Variants in COX7B2 observed in about 807,000 individuals in gnomAD.
COX7B2 encodes the protein cytochrome c oxidase subunit 7B2, mitochondrial.
For synonymous variants in COX7B2, 37 were observed against 32.1 expected (o/e 1.15, Z -0.51); for missense variants, 109 against 95.9 (o/e 1.14, Z -0.57).
intron 2 of COX7B2, among the ~76,000 whole-genome samples, chr4:46,818,869 T>A (rs1390920845): frequency 6.6e-6 from 1 of 152,242 alleles, no homozygotes; most frequent in Non-Finnish European, 1.5e-5. Flanking sequence ...ACTTTAGATA[T>A]GCCAGTGTTG....
chr4:46,826,734 C>A (rs546988446), intron 2 of COX7B2, among the ~76,000 whole-genome samples: 2 of 152,072 alleles, frequency 1.3e-5, no homozygotes, highest in Admixed American at 6.6e-5. Flanking sequence ...GCTACAGGCT[C>A]TTAACCTTAG....
intron 2 of COX7B2, among the ~76,000 whole-genome samples, chr4:46,815,666 G>A (rs1719514714): frequency 6.6e-6 from 1 of 152,142 alleles, no homozygotes; most frequent in East Asian, 1.9e-4. Flanking sequence ...AAAAAAAAGA[G>A]TATCACTCTT....
chr4:46,892,325 T>G (rs1719475411), intron 1 of COX7B2, among the ~76,000 whole-genome samples: 1 of 152,150 alleles, frequency 6.6e-6, no homozygotes, highest in Non-Finnish European at 1.5e-5. Flanking sequence ...GTCACATGAG[T>G]TATTATATGT....
intron 2 of COX7B2, among the ~76,000 whole-genome samples, chr4:46,754,115 G>C (rs1037250772): frequency 2.6e-5 from 4 of 152,072 alleles, no homozygotes; most frequent in Non-Finnish European, 5.9e-5. Flanking sequence ...ACTATTGGTG[G>C]GACTGTAAAC....
intron 2 of COX7B2, among the ~76,000 whole-genome samples, chr4:46,834,696 TA>T (rs1560410531): frequency 6.6e-6 from 1 of 152,128 alleles, no homozygotes; most frequent in East Asian, 1.9e-4. Context: ...ACATTATCAA[TA>T]AATCAAATAT....
intron 2 of COX7B2, among the ~76,000 whole-genome samples, chr4:46,755,557 C>G (rs982744583): frequency 1.3e-5 from 2 of 152,010 alleles, no homozygotes; most frequent in African/African-American, 4.8e-5. Flanking sequence ...GATAATATAT[C>G]TAGAAAATCC....
intron 2 of COX7B2, among the ~76,000 whole-genome samples, chr4:46,808,163 T>A (rs1719100439): frequency 6.6e-6 from 1 of 151,912 alleles, no homozygotes; most frequent in African/African-American, 2.4e-5. Flanking sequence ...GATAACAAGG[T>A]ACATTTCTAT....
chr4:46,840,826 T>G (rs1337548416), intron 2 of COX7B2, among the ~76,000 whole-genome samples: 2 of 152,136 alleles, frequency 1.3e-5, no homozygotes, highest in East Asian at 3.9e-4. Context: ...TAATTCAGGC[T>G]GGGTGTATGC....
chr4:46,770,512 A>C (rs996328389), intron 2 of COX7B2, among the ~76,000 whole-genome samples: 5 of 152,148 alleles, frequency 3.3e-5, no homozygotes, highest in Non-Finnish European at 7.4e-5. Context: ...ATGGAACCAT[A>C]AGATAAAAGA....
intron 2 of COX7B2, among the ~76,000 whole-genome samples, chr4:46,741,100 T>C (rs1297134586): frequency 6.6e-6 from 1 of 152,126 alleles, no homozygotes; most frequent in Non-Finnish European, 1.5e-5. Flanking sequence ...TAAGTAAGTA[T>C]AGCCCAACAT....
intron 2 of COX7B2, among the ~76,000 whole-genome samples, chr4:46,833,801 C>CA (rs944333427): frequency 1.0e-4 from 15 of 150,534 alleles, no homozygotes; most frequent in Middle Eastern, 3.4e-3. Flanking sequence ...ACAGATAAGG[C>CA]AAAAAAAAGA....
intron 1 of COX7B2, among the ~76,000 whole-genome samples, chr4:46,854,568 T>C (rs1380810254): frequency 6.6e-6 from 1 of 152,206 alleles, no homozygotes; most frequent in Admixed American, 6.5e-5. Context: ...CTAGTGCCTA[T>C]TTTTCTTGTT....
At chr4:46,783,685 T>C (rs1717600255) in intron 2 of COX7B2, among the ~76,000 whole-genome samples, 1 of 151,926 alleles carries the variant, frequency 6.6e-6, no homozygotes, top group African/African-American at 2.4e-5. Context: ...TGAGGCCAAA[T>C]AACATTTTGT....
intron 2 of COX7B2, among the ~76,000 whole-genome samples, chr4:46,747,102 C>T (rs572885157): frequency 4.6e-5 from 7 of 152,082 alleles, no homozygotes; most frequent in African/African-American, 1.4e-4. Flanking sequence ...ATTTGTTATA[C>T]AAGTAAACTC....
At chr4:46,797,134 G>C (rs1377055431) in intron 2 of COX7B2, among the ~76,000 whole-genome samples, 1 of 142,522 alleles carries the variant, frequency 7.0e-6, no homozygotes, top group Non-Finnish European at 1.5e-5. Context: ...AGGAGAGTCA[G>C]GGTTATCTCA....
intron 2 of COX7B2, among the ~76,000 whole-genome samples, chr4:46,759,301 G>A (rs980628562): frequency 6.6e-6 from 1 of 152,002 alleles, no homozygotes; most frequent in Non-Finnish European, 1.5e-5. Context: ...GATCAACTAT[G>A]AGGAAAATAT....
intron 2 of COX7B2, among the ~76,000 whole-genome samples, chr4:46,830,545 A>C (rs6817647): frequency 0.61 from 92,969 of 151,902 alleles, 28,456 homozygotes; most frequent in East Asian, 0.7. Flanking sequence ...TTAGGTCTAA[A>C]AAAACATATG....
chr4:46,868,961 T>G (rs1717828555), intron 1 of COX7B2, among the ~76,000 whole-genome samples: 1 of 152,128 alleles, frequency 6.6e-6, no homozygotes, highest in Non-Finnish European at 1.5e-5. Context: ...TCTAATACTG[T>G]CAGTCGAGTG....
chr4:46,883,239 G>C (rs982529553), intron 1 of COX7B2, among the ~76,000 whole-genome samples: 1 of 152,118 alleles, frequency 6.6e-6, no homozygotes, highest in Non-Finnish European at 1.5e-5. Context: ...ATTATCATTT[G>C]CTTTCAATTG....
Sources: allele counts gnomAD v4.1 joint callset (sites outside exome capture counted in the v4.1 genomes callset), GRCh38; gene constraint gnomAD v4.1.1; transcripts MANE v1.5; gene names NCBI Gene and HGNC (gene_info 2026-07-23, HGNC 2026-07-21).